Variants in ERI3 observed in about 807,000 individuals in gnomAD.
The protein encoded by ERI3 is ERI1 exoribonuclease family member 3, also known as ERI1 exoribonuclease 3.
In ERI3, 18 loss-of-function variants were observed where a neutral mutation model predicts 44.4. The ratio of observed to expected loss-of-function variants is 0.41; its 90% CI spans 0.28 to 0.60. The LOEUF (loss-of-function observed/expected upper bound fraction) is 0.60, where lower values mean the gene tolerates loss of function less well. Ranked by LOEUF, ERI3 falls within the 20% of genes least tolerant of loss-of-function variation. ERI3 has a pLI of 0.36. For missense variants in ERI3, 294 were observed against 435.5 expected (o/e 0.68, Z 2.89); for synonymous variants, 183 against 164.8 (o/e 1.11, Z -0.84).
chr1:44,295,247 G>A (rs542941850), intron 6 of ERI3, among the ~76,000 whole-genome samples: 12 of 152,102 alleles, frequency 7.9e-5, no homozygotes, highest in Admixed American at 3.3e-4. Context: ...TCTTCAACCA[G>A]ATTCACATTG....
rs760918764 is a variant in ERI3 at position 44,355,067 on chromosome 1, C to G, written c.-41G>C. 6.0e-6 allele frequency: 8 copies of G among 1,328,462 alleles called. No homozygotes were observed. The highest frequency in any genetic ancestry group is 3.7e-5 in the Admixed American group (1 of 27,154). The allele number at this position is 1,328,462 out of a possible 1,614,324, so 82.3% of individuals were successfully genotyped here. ...TCGGGGCCAGCGCGGCAGGCTCCCT[C>G]CAGGTGCAGGCCCCGACGTCTCCCT... On this transcript the variant is annotated 5_prime_UTR_variant, in exon 1 of 9. Transcript: ENST00000372257.
At chr1:44,305,299 C>G (rs1645809738) in intron 6 of ERI3, among the ~76,000 whole-genome samples, 1 of 152,224 alleles carries the variant, frequency 6.6e-6, no homozygotes, top group African/African-American at 2.4e-5. Flanking sequence ...CAGTCTACAC[C>G]AGCGCTAACC....
At chr1:44,243,788 G>A (rs972759209) in intron 8 of ERI3, 5 of 152,214 alleles carry the variant, frequency 3.3e-5, no homozygotes, top group African/African-American at 9.7e-5. Context: ...TTCACTTGAC[G>A]CTGAGGGAAA....
At position 44,322,085 on chromosome 1, in the gene ERI3, G is replaced by A. The variant is rs116015464; in HGVS notation, c.490-2341C>T. Among the ~76,000 whole-genome samples, 96 of 152,078 alleles carry A rather than the reference G, an allele frequency of 6.3e-4. 1 individual carries two copies. The highest frequency in any genetic ancestry group is 2.1e-3 in the African/African-American group (88 of 41,460). ...CTTTCCACTTTTTTACAAGCACATG[G>A]TTTGTTTTAGATATCCGAAATGCTA... On this transcript the variant is annotated intron_variant, in intron 3 of 8. Transcript: ENST00000372257.
Position 44,354,970 on chromosome 1 carries a change from C to T in ERI3, c.57G>A (p.Gly19=), listed in dbSNP as rs1188947880. The T allele has an allele frequency of 2.8e-5, 38 of 1,361,360 alleles. No homozygotes were observed. The highest frequency in any genetic ancestry group is 4.4e-5 in the South Asian group (2 of 45,602). 84.3% of individuals were successfully genotyped at this position (1,361,360 alleles called of 1,614,324 possible). ...GAGGGGCGGGGGGCCAGGAGACCAG[C>T]CCTCCTTCCCAGGGCCGCCCCCGCC... ...DGGRGRPWEG[G]LVSWPPAPPL... Residue 19 remains glycine (G), a synonymous_variant, in exon 1 of 9, where the codon GGG becomes GGA. Coordinates refer to ENST00000372257, the MANE Select transcript of ERI3 (RefSeq NM_024066.3).
chr1:44,351,894 T>C (rs1646898478), intron 2 of ERI3, among the ~76,000 whole-genome samples: 1 of 152,184 alleles, frequency 6.6e-6, no homozygotes, highest in Admixed American at 6.5e-5. Flanking sequence ...GGAGGTTTAC[T>C]TCCTCTGAGA....
chr1:44,270,745 G>A (rs940488659), intron 7 of ERI3, among the ~76,000 whole-genome samples: 2 of 152,224 alleles, frequency 1.3e-5, no homozygotes, highest in African/African-American at 4.8e-5. Context: ...CAGAGGAGAG[G>A]TCACTTTGCA....
At chr1:44,302,629 A>C (rs1195858821) in intron 6 of ERI3, among the ~76,000 whole-genome samples, 3 of 152,222 alleles carry the variant, frequency 2.0e-5, no homozygotes, top group Non-Finnish European at 4.4e-5. Flanking sequence ...TCTCCTGGCC[A>C]ACTGGGCTCC....
At chr1:44,339,382 G>C in intron 2 of ERI3, 60 bp from the exon 3 acceptor site, 1 of 1,277,556 alleles carries the variant, frequency 7.8e-7, no homozygotes, top group African/African-American at 1.8e-5. Flanking sequence ...AAAAAAAAAA[G>C]AACAGAGAGC....
chr1:44,292,478 CTT>C, intron 6 of ERI3, among the ~76,000 whole-genome samples: 1 of 152,260 alleles, frequency 6.6e-6, no homozygotes, highest in African/African-American at 2.4e-5. Flanking sequence ...TGATTTCTCT[CTT>C]GAGAGAGCTT....
At chr1:44,277,098 A>C (rs1393754382) in intron 7 of ERI3, among the ~76,000 whole-genome samples, 1 of 152,214 alleles carries the variant, frequency 6.6e-6, no homozygotes, top group East Asian at 1.9e-4. Context: ...CAAATGACTC[A>C]TCTGTTTCAC....
At chr1:44,251,682 C>A (rs1644682729) in intron 7 of ERI3, among the ~76,000 whole-genome samples, 1 of 152,160 alleles carries the variant, frequency 6.6e-6, no homozygotes, top group Non-Finnish European at 1.5e-5. Flanking sequence ...GAAGGCACAG[C>A]AAAGACAAAG....
At chr1:44,237,574 G>C (rs1020690674) in intron 8 of ERI3, among the ~76,000 whole-genome samples, 3 of 152,120 alleles carry the variant, frequency 2.0e-5, no homozygotes, top group African/African-American at 7.2e-5. Flanking sequence ...AACTGAATGA[G>C]GTCAGCCCAG....
intron 1 of ERI3, chr1:44,353,378 C>A: frequency 1.1e-5 from 11 of 985,406 alleles, no homozygotes; most frequent in Non-Finnish European, 1.3e-5. Context: ...TAGTTCCAAG[C>A]CTGCTTCAAG....
rs966847878 is a variant in ERI3 at position 44,241,231 on chromosome 1, T to C, written c.931+6708A>G. On this transcript the variant is annotated intron_variant, in intron 8 of 8. Coordinates refer to ENST00000372257, the MANE Select transcript of ERI3 (RefSeq NM_024066.3). This position sits in a 1 kb window ranked among gnomAD's most constrained non-coding sequence, Gnocchi z 5.6. ...TTGATGAAAACACAAACTACAGATA[T>C]TGTGTTTTCAGGGAGTGAAGGTGGG... 6.6e-6 allele frequency among the ~76,000 whole-genome samples: 1 copy of C among 152,106 alleles called. No homozygotes were observed. The highest frequency in any genetic ancestry group is 2.4e-5 in the African/African-American group (1 of 41,404).
chr1:44,341,990 G>A lies in ERI3; in HGVS notation c.212-2668C>T, dbSNP rs115936850. 2.5e-3 allele frequency among the ~76,000 whole-genome samples: 378 copies of A among 152,284 alleles called. 6 individuals are homozygous for A. The highest frequency in any genetic ancestry group is 8.6e-3 in the African/African-American group (356 of 41,554). ...GGCCTCCACATATCAGCAGTTACTGGATTCCACACTTCCCTTACTTCTAAC... is the reference window on the plus strand; with the variant it reads ...GGCCTCCACATATCAGCAGTTACTGAATTCCACACTTCCCTTACTTCTAAC... On this transcript the variant is annotated intron_variant, in intron 2 of 8. Transcript: ENST00000372257.
intron 8 of ERI3, among the ~76,000 whole-genome samples, chr1:44,225,329 A>G (rs1264319798): frequency 6.6e-6 from 1 of 152,164 alleles, no homozygotes; most frequent in Non-Finnish European, 1.5e-5. Context: ...GCTGGAGTGC[A>G]GTGGCGTGAC....
intron 7 of ERI3, among the ~76,000 whole-genome samples, chr1:44,282,643 A>G (rs1645312482): frequency 1.3e-5 from 2 of 152,206 alleles, no homozygotes; most frequent in Non-Finnish European, 1.5e-5. Flanking sequence ...GTTGGTAAGG[A>G]CTGAGCTAAA....
intron 6 of ERI3, among the ~76,000 whole-genome samples, chr1:44,304,450 C>T (rs764611176): frequency 3.9e-5 from 6 of 152,138 alleles, no homozygotes; most frequent in Non-Finnish European, 7.4e-5. Context: ...AAACAGAAAA[C>T]ATAACAAAAG....
Sources: gnomAD v4.1 joint callset for allele counts (sites outside exome capture counted in the v4.1 genomes callset) on GRCh38, gnomAD v4.1.1 for gene constraint, Gnocchi (gnomAD v3.1) non-coding constraint, MANE v1.5 for transcripts, NCBI Gene and HGNC (gene_info 2026-07-23, HGNC 2026-07-21) for gene names.